SRF: variants seen among roughly 807,000 people sequenced by gnomAD.
SRF encodes the protein c-fos serum response element-binding transcription factor.
A neutral mutation model predicts 37.1 loss-of-function variants in SRF; 7 were observed. That is an observed-to-expected ratio of 0.19 (90% CI 0.11 to 0.35). The LOEUF (loss-of-function observed/expected upper bound fraction) is 0.35, where lower values mean the gene tolerates loss of function less well. Ranked by LOEUF, SRF falls within the 10% of genes least tolerant of loss-of-function variation. The pLI is 1.00. For synonymous variants in SRF, 285 were observed against 310.1 expected, an observed-to-expected ratio of 0.92 and a Z score of 0.85; for missense variants, 395 against 694.4, an observed-to-expected ratio of 0.57 and a Z score of 4.85.
rs777014183 is a variant in SRF, at chr6:43,176,676, C to T, written c.1162+9C>T. The T allele has an allele frequency of 8.1e-6, 13 of 1,612,854 alleles. No homozygotes were observed. Among genetic ancestry groups the T allele is most frequent in the South Asian group, 7.7e-5 (7 of 91,028 alleles). On this transcript the variant is annotated intron_variant, in intron 4 of 6. Coordinates refer to ENST00000265354, the MANE Select transcript of SRF (RefSeq NM_003131.4). The surrounding 1 kb of genome is among the most constrained non-coding windows in gnomAD (Gnocchi z 4.0). ...CTCCTCCAGCGGGACAGGTATAGCTCGCAGCCCTGTCACCCTCCCTCCCTG... is the reference window on the plus strand; with the variant it reads ...CTCCTCCAGCGGGACAGGTATAGCTTGCAGCCCTGTCACCCTCCCTCCCTG...
Position 43,178,271 on chromosome 6 carries a change from T to C in SRF, c.1163-23T>C. ...TTATCAGTGGGGACCAGTGCCGAGC[T>C]GACACATGTCTGTGTTTGCCAGTGA... On this transcript the variant is annotated intron_variant, in intron 4 of 6. Coordinates refer to ENST00000265354, the MANE Select transcript of SRF (RefSeq NM_003131.4). This position sits in a 1 kb window ranked among gnomAD's most constrained non-coding sequence, Gnocchi z 4.3. The C allele has an allele frequency of 6.3e-7, 1 of 1,579,594 alleles. No individual in the cohort carries two copies. Among genetic ancestry groups the C allele is most frequent in the Non-Finnish European group, 8.7e-7 (1 of 1,155,884 alleles).
rs1050391352 is a variant in SRF, at chr6:43,172,906, G to A, written c.513+737G>A. Among the ~76,000 whole-genome samples the A allele has an allele frequency of 6.6e-6, 1 of 152,154 alleles. No individual in the cohort carries two copies. The highest frequency in any genetic ancestry group is 1.9e-4 in the East Asian group (1 of 5,196). Reference sequence around the variant, plus strand: ...GGGGGAAGTCAGGGAGGCTTGCAGAGGTACCTAGGAATTCCTCTTCTGCCA... The same window carrying A: ...GGGGGAAGTCAGGGAGGCTTGCAGAAGTACCTAGGAATTCCTCTTCTGCCA... On this transcript the variant is annotated intron_variant, in intron 1 of 6. Transcript: ENST00000265354. The surrounding 1 kb of genome is among the most constrained non-coding windows in gnomAD (Gnocchi z 5.7).
Position 43,178,277 on chromosome 6 carries a change from A to G in SRF, c.1163-17A>G. Reference sequence around the variant, plus strand: ...GTGGGGACCAGTGCCGAGCTGACACATGTCTGTGTTTGCCAGTGACGCTGC... The same window carrying G: ...GTGGGGACCAGTGCCGAGCTGACACGTGTCTGTGTTTGCCAGTGACGCTGC... On this transcript the variant is annotated splice_polypyrimidine_tract_variant and intron_variant, in intron 4 of 6. Coordinates refer to ENST00000265354, the MANE Select transcript of SRF (RefSeq NM_003131.4). This position sits in a 1 kb window ranked among gnomAD's most constrained non-coding sequence, Gnocchi z 4.3. 1 of 1,584,046 alleles carries G rather than the reference A, an allele frequency of 6.3e-7. No homozygotes were observed. Among genetic ancestry groups the G allele is most frequent in the Non-Finnish European group, 8.6e-7 (1 of 1,158,256 alleles).
Position 43,175,653 on chromosome 6 carries a change from G to A in SRF, c.781-53G>A, listed in dbSNP as rs985585481. ...GGTTCTCAGTCCACACAAAGCTTCT[G>A]CAAAGGCAGGATCTGGTAGGGGCTC... On this transcript the variant is annotated intron_variant, in intron 2 of 6. Coordinates refer to ENST00000265354, the MANE Select transcript of SRF (RefSeq NM_003131.4). 3.1e-5 allele frequency: 49 copies of A among 1,602,952 alleles called. No individual in the cohort carries two copies. In the African/African-American group the frequency reaches 5.6e-4, roughly 18 times the overall value.
chr6:43,174,184 G>T, intron 2 of SRF, 71 bp downstream of exon 2: 2 of 1,559,112 alleles, frequency 1.3e-6, no homozygotes, highest in Non-Finnish European at 1.7e-6. Context: ...CCCAGGACAG[G>T]TGGATAGGTG....
rs749218962 is a variant in SRF at position 43,175,751 on chromosome 6, A to G, written c.826A>G (p.Thr276Ala). The G allele has an allele frequency of 2.1e-5, 34 of 1,614,084 alleles. No individual in the cohort carries two copies. The highest frequency in any genetic ancestry group is 2.7e-5 in the Non-Finnish European group (32 of 1,180,018). The change falls in exon 3 of 7, where the codon ACC (threonine) becomes GCC (alanine). Residue 276 changes from threonine to alanine, a missense_variant. This residue lies in a region of SRF where 232 missense variants were observed against 335.6 expected (regional missense o/e 0.69). Coordinates refer to ENST00000265354, the MANE Select transcript of SRF (RefSeq NM_003131.4). ...AFTVTNLPGT[T>A]STIQTAPSTS... ...CACAGTCACCAACCTGCCGGGTACA[A>G]CCTCCACCATCCAAACAGCACCTAG...
Position 43,179,278 on chromosome 6 carries a change from C to T in SRF, c.*88C>T, listed in dbSNP as rs1772264624. ...CACGTTTTCTTTACACACACGTTGA[C>T]GGGCCGCAGGAGGGAGGCGGGGAGG... On this transcript the variant is annotated 3_prime_UTR_variant, in exon 7 of 7. Transcript: ENST00000265354. The surrounding 1 kb of genome is among the most constrained non-coding windows in gnomAD (Gnocchi z 5.3). The T allele has an allele frequency of 1.3e-5, 19 of 1,420,734 alleles. No homozygotes were observed. The highest frequency in any genetic ancestry group is 1.9e-5 in the Admixed American group (1 of 51,846). The allele number at this position is 1,420,734 out of a possible 1,614,324, so 88.0% of individuals were successfully genotyped here. A position where few individuals can be genotyped will look rare whatever the true frequency, so the allele number is the denominator to read the frequency against.
chr6:43,178,534 TAC>T lies in SRF; in HGVS notation c.1354+67_1354+68del, dbSNP rs112596376. ...GAAAGGAGGACCGTTTCCTTCTTTATACACACACACACACACACATACACACA... is the reference window on the plus strand; with the variant it reads ...GAAAGGAGGACCGTTTCCTTCTTTATACACACACACACACACATACACACA... On this transcript the variant is annotated intron_variant, in intron 5 of 6. Coordinates refer to ENST00000265354, the MANE Select transcript of SRF (RefSeq NM_003131.4). This position sits in a 1 kb window ranked among gnomAD's most constrained non-coding sequence, Gnocchi z 4.3. 0.019 allele frequency: 25,317 copies of T among 1,331,560 alleles called. No homozygotes were observed. The highest frequency in any genetic ancestry group is 0.023 in the South Asian group (1,577 of 68,204). The allele number at this position is 1,331,560 out of a possible 1,614,324, so 82.5% of individuals were successfully genotyped here. A position where few individuals can be genotyped will look rare whatever the true frequency, so the allele number is the denominator to read the frequency against.
In SRF at chr6:43,178,439, G is replaced by A; in HGVS notation, c.1308G>A (p.Gln436=). The A allele has an allele frequency of 6.2e-7, 1 of 1,614,100 alleles. No homozygotes were observed. Among genetic ancestry groups the A allele is most frequent in the African/African-American group, 1.3e-5 (1 of 75,022 alleles). The change falls in exon 5 of 7, where the codon CAG becomes CAA. Residue 436 remains glutamine (Q), a synonymous_variant. Transcript: ENST00000265354. This position sits in a 1 kb window ranked among gnomAD's most constrained non-coding sequence, Gnocchi z 4.3. ...TCACCGTGCTGAATGCCTTCTCCCA[G>A]GCACCATCCACCATGCAGGTGTCAC... ...GSLTVLNAFS[Q]APSTMQVSHS... is the part of the protein sequence containing the mutation.
In SRF at chr6:43,172,287, T is replaced by C; in HGVS notation, c.513+118T>C. 7.1e-7 allele frequency: 1 copy of C among 1,412,118 alleles called. No homozygotes were observed. The highest frequency in any genetic ancestry group is 9.2e-7 in the Non-Finnish European group (1 of 1,081,150). The allele number at this position is 1,412,118 out of a possible 1,614,324, so 87.5% of individuals were successfully genotyped here. On this transcript the variant is annotated intron_variant, in intron 1 of 6. Coordinates refer to ENST00000265354, the MANE Select transcript of SRF (RefSeq NM_003131.4). The surrounding 1 kb of genome is among the most constrained non-coding windows in gnomAD (Gnocchi z 5.7). ...TGAGAGGCTGCGAGTCCGCAGGAGG[T>C]GTGTGGGAGGGGATGGCTCCTGCCC...
At position 43,176,779 on chromosome 6, in the gene SRF, G is replaced by C. The variant is rs963914043; in HGVS notation, c.1162+112G>C. 2 of 1,464,750 alleles carry C rather than the reference G, an allele frequency of 1.4e-6. No homozygotes were observed. Among genetic ancestry groups the C allele is most frequent in the Non-Finnish European group, 1.9e-6 (2 of 1,079,876 alleles). The allele number at this position is 1,464,750 out of a possible 1,614,324, so 90.7% of individuals were successfully genotyped here. A position where few individuals can be genotyped will look rare whatever the true frequency, so the allele number is the denominator to read the frequency against. On this transcript the variant is annotated intron_variant, in intron 4 of 6. Coordinates refer to ENST00000265354, the MANE Select transcript of SRF (RefSeq NM_003131.4). The surrounding 1 kb of genome is among the most constrained non-coding windows in gnomAD (Gnocchi z 4.0). Reference sequence around the variant, plus strand: ...TAAAGTCAGGGGATTTCTTAAAGTGGAGATTGAGGCTTTGGGCCTAATAAT... The same window carrying C: ...TAAAGTCAGGGGATTTCTTAAAGTGCAGATTGAGGCTTTGGGCCTAATAAT...
In SRF at chr6:43,171,513, C is replaced by G; in HGVS notation, c.-144C>G. The stretch of plus-strand genomic sequence containing the variant: ...CAGGTCGGCCCGGGCGTGCAGGGGC[C>G]CCGGGTTCGCAGCGGCGGCCGCGGC... On this transcript the variant is annotated 5_prime_UTR_variant, in exon 1 of 7. Coordinates refer to ENST00000265354, the MANE Select transcript of SRF (RefSeq NM_003131.4). This position sits in a 1 kb window ranked among gnomAD's most constrained non-coding sequence, Gnocchi z 6.5. 2 of 960,864 alleles carry G rather than the reference C, an allele frequency of 2.1e-6. No individual in the cohort carries two copies. Among genetic ancestry groups the G allele is most frequent in the Middle Eastern group, 8.0e-4 (2 of 2,506 alleles). 59.5% of individuals were successfully genotyped at this position (960,864 alleles called of 1,614,324 possible).
At chr6:43,174,322 C>T (rs901406766) in intron 2 of SRF, among the ~76,000 whole-genome samples, 7 of 152,214 alleles carry the variant, frequency 4.6e-5, no homozygotes, top group South Asian at 2.1e-4. Flanking sequence ...ATAAGGCCGG[C>T]TTGGGCTCCA....
chr6:43,176,199 A>G lies in SRF; in HGVS notation c.1042+232A>G, dbSNP rs958067510. Among the ~76,000 whole-genome samples, 1 of 152,054 alleles carries G rather than the reference A, an allele frequency of 6.6e-6. No homozygotes were observed. Among genetic ancestry groups the G allele is most frequent in the Non-Finnish European group, 1.5e-5 (1 of 67,984 alleles). The stretch of plus-strand genomic sequence containing the variant: ...TCAACCATATATTCTGGCCCTGTCT[A>G]GCTACCCCAGCCCCGTGCCCTCATT... On this transcript the variant is annotated intron_variant, in intron 3 of 6. Coordinates refer to ENST00000265354, the MANE Select transcript of SRF (RefSeq NM_003131.4). The surrounding 1 kb of genome is among the most constrained non-coding windows in gnomAD (Gnocchi z 4.0).
At position 43,177,000 on chromosome 6, in the gene SRF, T is replaced by C. The variant is rs1003503168; in HGVS notation, c.1162+333T>C. On this transcript the variant is annotated intron_variant, in intron 4 of 6. Coordinates refer to ENST00000265354, the MANE Select transcript of SRF (RefSeq NM_003131.4). The surrounding 1 kb of genome is among the most constrained non-coding windows in gnomAD (Gnocchi z 4.0). ...AAGGACTTAGAGAGCAATTTTCTCT[T>C]TGTGCGAGGGTCTTACAGGTTTTGA... Among the ~76,000 whole-genome samples, 3 of 152,204 alleles carry C rather than the reference T, an allele frequency of 2.0e-5. No individual in the cohort carries two copies. The highest frequency in any genetic ancestry group is 7.2e-5 in the African/African-American group (3 of 41,442).
chr6:43,175,945 T>G lies in SRF; in HGVS notation c.1020T>G (p.Pro340=). The G allele has an allele frequency of 6.2e-7, 1 of 1,613,514 alleles. No individual in the cohort carries two copies. The highest frequency in any genetic ancestry group is 8.5e-7 in the Non-Finnish European group (1 of 1,179,788). Residue 340 remains proline (P), a synonymous_variant, in exon 3 of 7, where the codon CCT becomes CCG. Transcript: ENST00000265354. ...PVSSGGLMQL[P]TSFTLMPGGA... The stretch of plus-strand genomic sequence containing the variant: ...CCTCTGGGGGCCTTATGCAGCTGCC[T>G]ACCAGCTTCACCCTCATGCCTGGTG...
At position 43,171,866 on chromosome 6, in the gene SRF, C is replaced by T. The variant is rs1370408389; in HGVS notation, c.210C>T (p.Pro70=). Reference sequence around the variant, plus strand: ...CAGCGGCGGCAACCACCCCGGCGCCCACCGCGGGGGCCCTCTACAGCGGCA... The same window carrying T: ...CAGCGGCGGCAACCACCCCGGCGCCTACCGCGGGGGCCCTCTACAGCGGCA... ...AAAAAATTPA[P]TAGALYSGSE... The change falls in exon 1 of 7, where the codon CCC becomes CCT. Residue 70 remains proline (P), a synonymous_variant. Coordinates refer to ENST00000265354, the MANE Select transcript of SRF (RefSeq NM_003131.4). This position sits in a 1 kb window ranked among gnomAD's most constrained non-coding sequence, Gnocchi z 6.5. 1.5e-6 allele frequency: 2 copies of T among 1,311,832 alleles called. No homozygotes were observed. Among genetic ancestry groups the T allele is most frequent in the Non-Finnish European group, 1.9e-6 (2 of 1,032,402 alleles). 81.3% of individuals were successfully genotyped at this position (1,311,832 alleles called of 1,614,324 possible). A position where few individuals can be genotyped will look rare whatever the true frequency, so the allele number is the denominator to read the frequency against.
Position 43,181,249 on chromosome 6 carries a change from G to C in SRF, c.*2059G>C, listed in dbSNP as rs9395. On this transcript the variant is annotated 3_prime_UTR_variant, in exon 7 of 7. Coordinates refer to ENST00000265354, the MANE Select transcript of SRF (RefSeq NM_003131.4). ...CCTTGGGAGGACATGCGTGTGTCAGGGATGAGTTGAGGTGATATTTTTATG... is the reference window on the plus strand; with the variant it reads ...CCTTGGGAGGACATGCGTGTGTCAGCGATGAGTTGAGGTGATATTTTTATG... 18,198 of 152,760 alleles carry C rather than the reference G, an allele frequency of 0.12. 1,678 individuals are homozygous for C. Among genetic ancestry groups the C allele is most frequent in the East Asian group, 0.36 (1,873 of 5,158 alleles). The allele number at this position is 152,760 out of a possible 1,614,324, so 9.5% of individuals were successfully genotyped here.
chr6:43,177,914 CAAA>C (rs748998373), intron 4 of SRF, among the ~76,000 whole-genome samples: 5 of 47,928 alleles, frequency 1.0e-4, no homozygotes, highest in Admixed American at 2.1e-4. Context: ...GACTCCATCT[CAAA>C]AAAAAAAAAA....
Sources: allele counts gnomAD v4.1 joint callset (sites outside exome capture counted in the v4.1 genomes callset), GRCh38; gene constraint gnomAD v4.1.1; regional missense constraint gnomAD v4.1.1; non-coding constraint Gnocchi (gnomAD v3.1); transcripts MANE v1.5; gene names NCBI Gene and HGNC (gene_info 2026-07-23, HGNC 2026-07-21).